NAV2: variants seen among roughly 807,000 people sequenced by gnomAD.
The protein encoded by NAV2 is helicase, APC down-regulated 1.
Under a neutral mutation model 223.2 loss-of-function variants are expected in NAV2, and 54 were observed. The ratio of observed to expected loss-of-function variants is 0.24; its 90% CI spans 0.19 to 0.30. The LOEUF is 0.30. NAV2 is among the 10% of genes least tolerant of loss of function. The probability of loss-of-function intolerance (pLI) is 1.00; values close to 1 mark genes in which losing one functional copy is unlikely to be tolerated. For synonymous variants in NAV2, 1,279 were observed against 1,239.3 expected, an observed-to-expected ratio of 1.03 and a Z score of -0.67; for missense variants, 2,806 against 3,147.5, an observed-to-expected ratio of 0.89 and a Z score of 2.60.
At chr11:19,594,291 G>T (rs1048113901) in intron 1 of NAV2, among the ~76,000 whole-genome samples, 2 of 152,136 alleles carry the variant, frequency 1.3e-5, no homozygotes, top group African/African-American at 2.4e-5. Context: ...CACTAGAACA[G>T]ATTTCTATCT....
chr11:19,954,359 C>A (rs1389877563), intron 10 of NAV2, among the ~76,000 whole-genome samples: 1 of 152,050 alleles, frequency 6.6e-6, no homozygotes, highest in African/African-American at 2.4e-5. Flanking sequence ...CAGATGCCTG[C>A]GGGGAGACTC....
intron 1 of NAV2, among the ~76,000 whole-genome samples, chr11:19,456,817 C>A (rs1005204815): frequency 6.6e-6 from 1 of 152,216 alleles, no homozygotes; most frequent in Non-Finnish European, 1.5e-5. Context: ...TATGGCTGGA[C>A]TGCTCCTTCC....
chr11:19,913,831 T>A lies in NAV2; in HGVS notation c.932-19345T>A, dbSNP rs142684312. On this transcript the variant is annotated intron_variant, in intron 6 of 37. Coordinates refer to ENST00000349880, the MANE Select transcript of NAV2 (RefSeq NM_145117.5). The stretch of plus-strand genomic sequence containing the variant: ...GATGGTGACTAGCTCTACGCCTTTT[T>A]TTAACCCTGTGCCTACCTTAGTCTC... Among the ~76,000 whole-genome samples the A allele has an allele frequency of 2.0e-5, 3 of 152,320 alleles. No individual in the cohort carries two copies. In the East Asian group the frequency reaches 5.8e-4, roughly 29 times the overall value.
chr11:19,907,596 G>T (rs2585762), intron 6 of NAV2, among the ~76,000 whole-genome samples: 99,531 of 151,918 alleles, frequency 0.66, 32,763 homozygotes, highest in Non-Finnish European at 0.68. Flanking sequence ...TTTGTTAGGT[G>T]GTCCTTTCCT....
At chr11:19,564,692 G>A (rs1441131300) in intron 1 of NAV2, among the ~76,000 whole-genome samples, 1 of 151,778 alleles carries the variant, frequency 6.6e-6, no homozygotes, top group African/African-American at 2.4e-5. Flanking sequence ...TCAGGGGGCC[G>A]GGAGGTCCGC....
intron 1 of NAV2, among the ~76,000 whole-genome samples, chr11:19,587,932 A>C (rs932399320): frequency 2.0e-5 from 3 of 152,358 alleles, no homozygotes; most frequent in East Asian, 1.9e-4. Flanking sequence ...ATAAAAAATT[A>C]AATGTGATAT....
At chr11:19,632,911 C>T (rs1000209089) in intron 1 of NAV2, among the ~76,000 whole-genome samples, 1 of 152,222 alleles carries the variant, frequency 6.6e-6, no homozygotes, top group Non-Finnish European at 1.5e-5. Flanking sequence ...TGTTATTAGT[C>T]CCACTTCACA....
At chr11:19,600,676 G>A (rs148131116) in intron 1 of NAV2, among the ~76,000 whole-genome samples, 4 of 152,294 alleles carry the variant, frequency 2.6e-5, no homozygotes, top group African/African-American at 4.8e-5. Context: ...CTATAGCTGC[G>A]AAATGGGGAT....
chr11:19,662,058 G>A (rs1417174387), intron 1 of NAV2, among the ~76,000 whole-genome samples: 1 of 152,190 alleles, frequency 6.6e-6, no homozygotes, highest in Non-Finnish European at 1.5e-5. Flanking sequence ...GGAATGGGAA[G>A]TGGGGGTACA....
intron 6 of NAV2, among the ~76,000 whole-genome samples, chr11:19,897,208 G>A (rs1309050324): frequency 6.6e-6 from 1 of 151,958 alleles, no homozygotes; most frequent in Non-Finnish European, 1.5e-5. Flanking sequence ...ACAGGAAAGG[G>A]AACATCACAC....
intron 1 of NAV2, among the ~76,000 whole-genome samples, chr11:19,361,724 A>G (rs951081553): frequency 6.6e-6 from 1 of 152,188 alleles, no homozygotes; most frequent in African/African-American, 2.4e-5. Flanking sequence ...ATAGGACAGC[A>G]AAGAGAGAAA....
intron 11 of NAV2, among the ~76,000 whole-genome samples, chr11:20,002,779 A>C (rs1294314170): frequency 2.0e-5 from 3 of 152,258 alleles, no homozygotes; most frequent in Non-Finnish European, 4.4e-5. Flanking sequence ...TGCCCTTCAG[A>C]AGTAACCTAC....
intron 1 of NAV2, among the ~76,000 whole-genome samples, chr11:19,614,332 T>G (rs555014086): frequency 4.3e-4 from 66 of 152,292 alleles, no homozygotes; most frequent in African/African-American, 1.4e-3. Context: ...AGGACAGAGA[T>G]AAAATCCTCA....
intron 4 of NAV2, among the ~76,000 whole-genome samples, chr11:19,874,947 G>A (rs1407744142): frequency 1.3e-5 from 2 of 152,166 alleles, no homozygotes; most frequent in African/African-American, 2.4e-5. Flanking sequence ...ACCTGAGGTC[G>A]AGAGTTCAAG....
chr11:19,823,317 C>T (rs1335446680), intron 1 of NAV2, among the ~76,000 whole-genome samples: 2 of 152,194 alleles, frequency 1.3e-5, no homozygotes, highest in African/African-American at 2.4e-5. Flanking sequence ...AAGTGATTCT[C>T]CTGCCTCAGC....
intron 1 of NAV2, among the ~76,000 whole-genome samples, chr11:19,601,731 G>A (rs11025190): frequency 0.16 from 23,599 of 152,086 alleles, 4,231 homozygotes; most frequent in African/African-American, 0.44. Flanking sequence ...CTCTCCATGC[G>A]ATGGGGTCAG....
chr11:19,692,189 G>C (rs1298140811), intron 1 of NAV2, among the ~76,000 whole-genome samples: 1 of 152,222 alleles, frequency 6.6e-6, no homozygotes, highest in Non-Finnish European at 1.5e-5. Flanking sequence ...GACCCACACT[G>C]GCTGAGGGCC....
At chr11:19,553,217 C>A (rs928881603) in intron 1 of NAV2, among the ~76,000 whole-genome samples, 2 of 152,178 alleles carry the variant, frequency 1.3e-5, no homozygotes, top group Non-Finnish European at 2.9e-5. Context: ...CAAGCCAGAA[C>A]CTTTGTCTAG....
intron 6 of NAV2, among the ~76,000 whole-genome samples, chr11:19,925,881 G>C (rs2044702159): frequency 6.6e-6 from 1 of 151,914 alleles, no homozygotes; most frequent in Non-Finnish European, 1.5e-5. Context: ...AAAATTGTTT[G>C]ACCATATGTG....
Sources: allele counts gnomAD v4.1 joint callset (sites outside exome capture counted in the v4.1 genomes callset), GRCh38; gene constraint gnomAD v4.1.1; transcripts MANE v1.5; gene names NCBI Gene and HGNC (gene_info 2026-07-23, HGNC 2026-07-21).